Variants in DLC1 observed in about 807,000 individuals in gnomAD.
The protein encoded by DLC1 is DLC1 Rho GTPase activating protein.
DLC1 carries 54 observed loss-of-function variants against 140.3 expected under a neutral mutation model. That is an observed-to-expected ratio of 0.38 (90% CI 0.31 to 0.48). The LOEUF is 0.48. Among genes scored for constraint, DLC1 ranks in the 20% least tolerant of loss-of-function variants. The probability of loss-of-function intolerance (pLI) is 0.96; values close to 1 mark genes in which losing one functional copy is unlikely to be tolerated. For missense variants in DLC1, 2,536 were observed against 1,907.0 expected (o/e 1.33, Z -6.14); for synonymous variants, 986 against 728.1 (o/e 1.35, Z -5.70).
At chr8:13,528,711 T>A (rs982392000) in intron 1 of DLC1, among the ~76,000 whole-genome samples, 1 of 152,178 alleles carries the variant, frequency 6.6e-6, no homozygotes, top group African/African-American at 2.4e-5. Flanking sequence ...TTTTAATGAG[T>A]TAAAATAATA....
intron 1 of DLC1, among the ~76,000 whole-genome samples, chr8:13,548,448 A>G (rs1419830845): frequency 8.5e-5 from 13 of 152,080 alleles, no homozygotes; most frequent in Non-Finnish European, 1.5e-5. Context: ...GAGATATGCC[A>G]TGGGTCTGCA....
intron 7 of DLC1, among the ~76,000 whole-genome samples, chr8:13,105,032 G>T (rs184354169): frequency 6.6e-6 from 1 of 152,312 alleles, no homozygotes; most frequent in East Asian, 1.9e-4. Context: ...AATCAAACCT[G>T]TAATCAAATA....
chr8:13,341,035 T>C (rs756330423), intron 4 of DLC1: 1 of 152,144 alleles, frequency 6.6e-6, no homozygotes, highest in African/African-American at 2.4e-5. Context: ...TTGAGACTCA[T>C]GGTGGGGAGA....
chr8:13,233,909 T>C lies in DLC1; in HGVS notation c.1348+71360A>G, dbSNP rs78206804. On this transcript the variant is annotated intron_variant, in intron 5 of 17. Coordinates refer to ENST00000276297, the MANE Select transcript of DLC1 (RefSeq NM_182643.3). ...ATTTTATTTGTTTATCGTCTCTCTG[T>C]GTTTCTCTGAGGCTAGTATAACATT... 4.4e-3 allele frequency among the ~76,000 whole-genome samples: 674 copies of C among 152,350 alleles called. 5 individuals carry two copies. The highest frequency in any genetic ancestry group is 0.017 in the Middle Eastern group (5 of 294).
chr8:13,160,798 A>C (rs959113085), intron 5 of DLC1, among the ~76,000 whole-genome samples: 7 of 152,310 alleles, frequency 4.6e-5, no homozygotes, highest in African/African-American at 1.7e-4. Context: ...AGATTTAGGA[A>C]GGTGGAGCCG....
chr8:13,370,529 C>T (rs983443663), intron 4 of DLC1, among the ~76,000 whole-genome samples: 4 of 152,096 alleles, frequency 2.6e-5, no homozygotes, highest in Non-Finnish European at 4.4e-5. Flanking sequence ...AAACTGCTTC[C>T]CAGGCATTAT....
At chr8:13,409,758 T>C (rs1221571979) in intron 2 of DLC1, among the ~76,000 whole-genome samples, 1 of 152,190 alleles carries the variant, frequency 6.6e-6, no homozygotes, top group East Asian at 1.9e-4. Flanking sequence ...TTTGTCTCTT[T>C]ATGTTTAATT....
intron 5 of DLC1, among the ~76,000 whole-genome samples, chr8:13,153,076 G>C (rs1191351178): frequency 6.6e-6 from 1 of 152,176 alleles, no homozygotes; most frequent in Non-Finnish European, 1.5e-5. Context: ...TACTGTGCCT[G>C]GAATTGGTGG....
rs900233950 is a variant in DLC1, at chr8:13,501,367, C to G, written c.-125-1171G>C. 2.0e-5 allele frequency among the ~76,000 whole-genome samples: 3 copies of G among 152,150 alleles called. No individual in the cohort carries two copies. The East Asian group carries it at 5.8e-4, about 29-fold the overall frequency. On this transcript the variant is annotated intron_variant, in intron 1 of 17. Transcript: ENST00000276297. ...TGTCAACTCAACGTTATAAAAATGACTAACCCAAATTTTGCCCCACAATGA... is the reference window on the plus strand; with the variant it reads ...TGTCAACTCAACGTTATAAAAATGAGTAACCCAAATTTTGCCCCACAATGA...
intron 4 of DLC1, among the ~76,000 whole-genome samples, chr8:13,383,155 A>G (rs1250755666): frequency 3.3e-5 from 5 of 152,238 alleles, no homozygotes; most frequent in Admixed American, 3.3e-4. Context: ...CAAAGGGCAC[A>G]TCTCACAGGA....
intron 2 of DLC1, among the ~76,000 whole-genome samples, chr8:13,407,799 C>T (rs553787143): frequency 2.0e-5 from 3 of 152,234 alleles, no homozygotes; most frequent in African/African-American, 4.8e-5. Context: ...CTCACTCACC[C>T]GTGAAAGAAA....
At chr8:13,441,443 T>G (rs1798506154) in intron 2 of DLC1, among the ~76,000 whole-genome samples, 1 of 152,218 alleles carries the variant, frequency 6.6e-6, no homozygotes, top group Non-Finnish European at 1.5e-5. Flanking sequence ...ACAACATGAT[T>G]GTATATCTAG....
chr8:13,098,180 G>A (rs932722268), intron 10 of DLC1, among the ~76,000 whole-genome samples: 25 of 151,880 alleles, frequency 1.6e-4, no homozygotes, highest in Middle Eastern at 3.4e-3. Context: ...AGCCGAGATC[G>A]CACCACTGCA....
At chr8:13,538,284 T>C (rs1803361759) in intron 1 of DLC1, among the ~76,000 whole-genome samples, 1 of 151,924 alleles carries the variant, frequency 6.6e-6, no homozygotes, top group Non-Finnish European at 1.5e-5. Flanking sequence ...ACTTGGAGAA[T>C]CCAATGTTTA....
At chr8:13,363,702 A>C (rs990686540) in intron 4 of DLC1, among the ~76,000 whole-genome samples, 5 of 152,204 alleles carry the variant, frequency 3.3e-5, no homozygotes, top group African/African-American at 7.2e-5. Flanking sequence ...CCAGCATGCA[A>C]AAATATCCTA....
At chr8:13,335,834 A>G (rs183720785) in intron 4 of DLC1, among the ~76,000 whole-genome samples, 2 of 152,240 alleles carry the variant, frequency 1.3e-5, no homozygotes, top group African/African-American at 2.4e-5. Flanking sequence ...AAAAAGCAAA[A>G]TTAATCAACT....
chr8:13,141,210 G>T (rs1822960530), intron 5 of DLC1, among the ~76,000 whole-genome samples: 1 of 133,658 alleles, frequency 7.5e-6, no homozygotes, highest in African/African-American at 2.9e-5. Flanking sequence ...AGCCGAGATT[G>T]CGCCATTGCA....
intron 5 of DLC1, chr8:13,276,422 G>C (rs751298283): frequency 6.9e-7 from 1 of 1,441,552 alleles, no homozygotes; most frequent in Admixed American, 2.6e-5. Flanking sequence ...CGCCTTCAGC[G>C]CAGCCCGGGC....
rs570252820 is a variant in DLC1 at position 13,329,321 on chromosome 8, A to G, written c.1315-24019T>C. Among the ~76,000 whole-genome samples the G allele has an allele frequency of 3.2e-4, 48 of 152,268 alleles. No individual in the cohort carries two copies. In the South Asian group the frequency reaches 8.9e-3, roughly 28 times the overall value. ...TCAAGACATACATTCATAGAAAATG[A>G]TAATATTGGTCCAGATCATTGGGAT... On this transcript the variant is annotated intron_variant, in intron 4 of 17. Transcript: ENST00000276297.
Sources: gnomAD v4.1 joint callset for allele counts (sites outside exome capture counted in the v4.1 genomes callset) on GRCh38, gnomAD v4.1.1 for gene constraint, MANE v1.5 for transcripts, NCBI Gene and HGNC (gene_info 2026-07-23, HGNC 2026-07-21) for gene names.